Variants in KIF5B observed in about 807,000 individuals in gnomAD.
KIF5B encodes the protein kinesin-1 heavy chain.
KIF5B carries 49 observed loss-of-function variants against 132.8 expected under a neutral mutation model. The ratio of observed to expected loss-of-function variants is 0.37; its 90% CI spans 0.29 to 0.47. The LOEUF (loss-of-function observed/expected upper bound fraction) is 0.47, where lower values mean the gene tolerates loss of function less well. KIF5B is among the 20% of genes least tolerant of loss of function. The probability of loss-of-function intolerance (pLI) is 1.00; values close to 1 mark genes in which losing one functional copy is unlikely to be tolerated. For missense variants in KIF5B, 780 were observed against 1,144.0 expected (o/e 0.68, Z 4.59); for synonymous variants, 355 against 369.4 (o/e 0.96, Z 0.45).
intron 15 of KIF5B, among the ~76,000 whole-genome samples, chr10:32,026,149 A>C (rs1167978898): frequency 6.6e-6 from 1 of 152,124 alleles, no homozygotes; most frequent in Non-Finnish European, 1.5e-5. Flanking sequence ...TAAGAACAAC[A>C]ACAGGCCGGG....
At chr10:32,012,287 A>C (rs947053701) in intron 25 of KIF5B, among the ~76,000 whole-genome samples, 29 of 152,328 alleles carry the variant, frequency 1.9e-4, no homozygotes, top group African/African-American at 6.7e-4. Flanking sequence ...AGCCTGGCCA[A>C]CATGGCAAAA....
At chr10:32,046,662 C>T (rs1311186895) in intron 2 of KIF5B, among the ~76,000 whole-genome samples, 9 of 152,138 alleles carry the variant, frequency 5.9e-5, no homozygotes, top group African/African-American at 2.2e-4. Flanking sequence ...AAGCAATCCT[C>T]CCACCTCAGC....
In KIF5B at chr10:32,028,375, A is replaced by G. The variant is rs1051425948; in HGVS notation, c.1725+53T>C. On this transcript the variant is annotated intron_variant, in intron 15 of 25. Coordinates refer to ENST00000302418, the MANE Select transcript of KIF5B (RefSeq NM_004521.3). ...CTTTACAAACTATTAGTAGTAAACAAAAGTGCCAGTGTATACAGATAATTG... is the reference window on the plus strand; with the variant it reads ...CTTTACAAACTATTAGTAGTAAACAGAAGTGCCAGTGTATACAGATAATTG... 3.0e-5 allele frequency: 43 copies of G among 1,424,512 alleles called. No individual in the cohort carries two copies. The Admixed American group carries it at 8.0e-4, about 27-fold the overall frequency. The allele number at this position is 1,424,512 out of a possible 1,614,324, so 88.2% of individuals were successfully genotyped here. A position where few individuals can be genotyped will look rare whatever the true frequency, so the allele number is the denominator to read the frequency against.
At chr10:32,033,788 A>AAT in intron 12 of KIF5B, 57 bp downstream of exon 12, 1 of 1,193,066 alleles carries the variant, frequency 8.4e-7, no homozygotes, top group Non-Finnish European at 1.2e-6. Flanking sequence ...AGAAAATAAA[A>AAT]ACACCCATGT....
intron 14 of KIF5B, among the ~76,000 whole-genome samples, chr10:32,030,819 TA>T (rs2132596908): frequency 6.6e-6 from 1 of 152,240 alleles, no homozygotes; most frequent in East Asian, 1.9e-4. Context: ...TTAAAAAAAT[TA>T]AAATTAGGAG....
intron 11 of KIF5B, 109 bp from the exon 12 acceptor site, chr10:32,034,147 G>A (rs1007133607): frequency 6.2e-6 from 4 of 640,650 alleles, no homozygotes; most frequent in Admixed American, 3.5e-5. Context: ...GTCTCAATCT[G>A]TCACCCTGGC....
chr10:32,054,056 C>A (rs1444680105), intron 1 of KIF5B, among the ~76,000 whole-genome samples: 1 of 152,136 alleles, frequency 6.6e-6, no homozygotes, highest in Non-Finnish European at 1.5e-5. Context: ...TTTTAGCATT[C>A]CAACAAAAAG....
intron 5 of KIF5B, 91 bp from the exon 6 acceptor site, chr10:32,038,309 C>T (rs1841487428): frequency 3.5e-6 from 3 of 853,688 alleles, no homozygotes; most frequent in Non-Finnish European, 1.9e-6. Flanking sequence ...AGCAGCCTAA[C>T]AGCAATAGTT....
At chr10:32,040,777 A>G (rs1841524557) in intron 2 of KIF5B, among the ~76,000 whole-genome samples, 1 of 151,942 alleles carries the variant, frequency 6.6e-6, no homozygotes, top group Admixed American at 6.6e-5. Context: ...GCGGATCACA[A>G]GGTCAGGAGT....
At chr10:32,033,678 C>T (rs1639136) in intron 12 of KIF5B, among the ~76,000 whole-genome samples, 167 bp downstream of exon 12, 30,394 of 152,028 alleles carry the variant, frequency 0.2, 3,290 homozygotes, top group Non-Finnish European at 0.25. Flanking sequence ...GAAATTATGA[C>T]TTTTTATTTT....
intron 1 of KIF5B, among the ~76,000 whole-genome samples, chr10:32,052,325 C>T (rs74594579): frequency 0.012 from 1,884 of 152,268 alleles, 36 homozygotes; most frequent in African/African-American, 0.042. Context: ...TCATTTTTCC[C>T]TCTTAAGGTA....
chr10:32,053,421 TAAA>T (rs34885039), intron 1 of KIF5B, among the ~76,000 whole-genome samples: 4 of 135,846 alleles, frequency 2.9e-5, no homozygotes, highest in Admixed American at 7.4e-5. Context: ...GGTTACACGT[TAAA>T]AAAAAAAAAA....
Position 32,034,775 on chromosome 10 carries a change from C to A in KIF5B, c.1026G>T (p.Lys342Asn), listed in dbSNP as rs1370081737. 2.5e-6 allele frequency: 4 copies of A among 1,610,204 alleles called. No individual in the cohort carries two copies. Among genetic ancestry groups the A allele is most frequent in the Non-Finnish European group, 3.4e-6 (4 of 1,178,350 alleles). The change falls in exon 11 of 26, where the codon AAG (lysine) becomes AAT (asparagine). Residue 342 changes from lysine to asparagine, a missense_variant. Physicochemically the swap from Lys to Asn is moderately conservative, Grantham distance 94. This residue lies in a region of KIF5B where 471 missense variants were observed against 569.9 expected (regional missense o/e 0.83). Transcript: ENST00000302418. ...NVELTAEQWKKKYEKEKEKNK... is the reference protein window; with the variant it reads ...NVELTAEQWKNKYEKEKEKNK... ...TTTTTTCTTTTTCTTTTTCATACTTCTTTTTCCACTGTTCTGCAGTTAACT... is the reference window on the plus strand; with the variant it reads ...TTTTTTCTTTTTCTTTTTCATACTTATTTTTCCACTGTTCTGCAGTTAACT...
intron 15 of KIF5B, among the ~76,000 whole-genome samples, chr10:32,026,452 A>AAAAAAAG (rs1841335135): frequency 3.3e-5 from 5 of 150,210 alleles, no homozygotes; most frequent in South Asian, 2.1e-4. Context: ...AAAAAAAAAA[A>AAAAAAAG]AAAAAAAAAG....
In KIF5B at chr10:32,021,251, T is replaced by C. The variant is rs144815552; in HGVS notation, c.2069A>G (p.Lys690Arg). ...CTTAACTTCATTTGCAGTCTGAACCTTATTTAAGTGCTCCTTTTCCATTTC... is the reference window on the plus strand; with the variant it reads ...CTTAACTTCATTTGCAGTCTGAACCCTATTTAAGTGCTCCTTTTCCATTTC... ...VHEMEKEHLN[K>R]VQTANEVKQA... Residue 690 changes from lysine (K) to arginine (R), a missense_variant, in exon 18 of 26, where the codon AAG becomes AGG. By Grantham distance (26) the Lys-to-Arg change is conservative. Around this residue, in one of 9 missense-constraint regions of KIF5B, gnomAD observed 471 missense variants for 569.9 expected, o/e 0.83. Transcript: ENST00000302418. The C allele has an allele frequency of 2.5e-6, 4 of 1,612,958 alleles. No individual in the cohort carries two copies. Among genetic ancestry groups the C allele is most frequent in the African/African-American group, 2.7e-5 (2 of 74,932 alleles).
chr10:32,041,402 G>C (rs211282), intron 2 of KIF5B, among the ~76,000 whole-genome samples: 150,889 of 152,310 alleles, frequency 0.99, 74,762 homozygotes, highest in Middle Eastern at 1. Flanking sequence ...AGAATCTCTT[G>C]TATCAGTGTA....
chr10:32,023,107 A>G (rs1841287347), intron 15 of KIF5B, 71 bp from the exon 16 acceptor site: 2 of 767,234 alleles, frequency 2.6e-6, no homozygotes, highest in Non-Finnish European at 3.9e-6. Flanking sequence ...ATTAGGCTAT[A>G]AAATCTTTTT....
chr10:32,026,104 TTGTAAACTGTAACATAAAAC>T (rs1841330109), intron 15 of KIF5B, among the ~76,000 whole-genome samples: 1 of 152,140 alleles, frequency 6.6e-6, no homozygotes. Context: ...ACAACAATCA[TTGTAAACTGTAACATAAAAC>T]TGTAAACTGT....
At chr10:32,041,489 T>C (rs910005725) in intron 2 of KIF5B, among the ~76,000 whole-genome samples, 5 of 152,198 alleles carry the variant, frequency 3.3e-5, no homozygotes, top group Non-Finnish European at 7.3e-5. Context: ...CCAATTTACA[T>C]ACAGATGAGA....
Sources: allele counts gnomAD v4.1 joint callset (sites outside exome capture counted in the v4.1 genomes callset), GRCh38; gene constraint gnomAD v4.1.1; regional missense constraint gnomAD v4.1.1; transcripts MANE v1.5; gene names NCBI Gene and HGNC (gene_info 2026-07-23, HGNC 2026-07-21).